TTLL5: variants seen among roughly 807,000 people sequenced by gnomAD.
The protein encoded by TTLL5 is tubulin tyrosine ligase like 5, also known as tubulin polyglutamylase TTLL5.
In TTLL5, 132 loss-of-function variants were observed where a neutral mutation model predicts 168.4. The observed-to-expected ratio is 0.78, with a 90% CI of 0.68 to 0.91. The LOEUF (loss-of-function observed/expected upper bound fraction) is 0.91, where lower values mean the gene tolerates loss of function less well. TTLL5 is among the 40% of genes least tolerant of loss of function. The pLI is 0.00. For synonymous variants in TTLL5, 546 were observed against 558.6 expected (o/e 0.98, Z 0.32); for missense variants, 1,545 against 1,581.5 (o/e 0.98, Z 0.39).
At chr14:75,700,102 A>G (rs1886157056) in intron 7 of TTLL5, among the ~76,000 whole-genome samples, 1 of 152,196 alleles carries the variant, frequency 6.6e-6, no homozygotes, top group Non-Finnish European at 1.5e-5. Context: ...AAGTTGAGTA[A>G]AACATTTAAA....
chr14:75,890,496 A>G (rs1203481055), intron 30 of TTLL5, among the ~76,000 whole-genome samples: 2 of 152,200 alleles, frequency 1.3e-5, no homozygotes, highest in Non-Finnish European at 2.9e-5. Flanking sequence ...ACGGCACACT[A>G]TGTACAATTT....
intron 31 of TTLL5, among the ~76,000 whole-genome samples, chr14:75,912,183 T>C (rs770177142): frequency 6.6e-6 from 1 of 152,174 alleles, no homozygotes; most frequent in Non-Finnish European, 1.5e-5. Context: ...TCTCTCCTTT[T>C]TTTTTTTTAC....
rs769859133 is a variant in TTLL5, at chr14:75,757,859, G to C, written c.1550+4904G>C. The C allele has an allele frequency of 1.7e-5, 27 of 1,591,214 alleles. No homozygotes were observed. In the East Asian group the frequency reaches 6.1e-4, roughly 36 times the overall value. On this transcript the variant is annotated intron_variant, in intron 18 of 31. Coordinates refer to ENST00000298832, the MANE Select transcript of TTLL5 (RefSeq NM_015072.5). ...AAACCCAAGAAGAAGCTTATTGACA[G>C]GAAGAACACGGTAATTGACTTTTAA...
intron 29 of TTLL5, among the ~76,000 whole-genome samples, chr14:75,866,694 T>C (rs764955390): frequency 5.3e-5 from 8 of 152,190 alleles, no homozygotes; most frequent in Non-Finnish European, 8.8e-5. Context: ...AGGTGTTAAT[T>C]TCTGCTTAAA....
At chr14:75,715,243 C>A (rs1026298943) in intron 9 of TTLL5, among the ~76,000 whole-genome samples, 1 of 150,898 alleles carries the variant, frequency 6.6e-6, no homozygotes, top group African/African-American at 2.4e-5. Flanking sequence ...TGGCTGACTT[C>A]CCACCCTACT....
chr14:75,701,729 T>A (rs1886290857), intron 7 of TTLL5, among the ~76,000 whole-genome samples: 1 of 152,182 alleles, frequency 6.6e-6, no homozygotes, highest in Non-Finnish European at 1.5e-5. Flanking sequence ...CCAAATGCTG[T>A]TTGTTAATTA....
At chr14:75,817,830 CTTTT>C (rs1045988787) in intron 27 of TTLL5, among the ~76,000 whole-genome samples, 4 of 83,860 alleles carry the variant, frequency 4.8e-5, no homozygotes, top group Non-Finnish European at 8.6e-5. Context: ...CTTTTCTTTT[CTTTT>C]TTTTTTTTTT....
At chr14:75,720,496 T>G in intron 11 of TTLL5, 100 bp from the exon 12 acceptor site, 1 of 895,054 alleles carries the variant, frequency 1.1e-6, no homozygotes, top group Non-Finnish European at 1.8e-6. Context: ...CTTTTTTGAA[T>G]GAGCACACAT....
intron 27 of TTLL5, among the ~76,000 whole-genome samples, chr14:75,816,974 A>ATT (rs35736530): frequency 0.06 from 5,733 of 96,014 alleles, 557 homozygotes; most frequent in African/African-American, 0.12. Context: ...TCCCTGTCTT[A>ATT]TTTTTTTTTT....
At chr14:75,748,170 G>A (rs1889724848) in intron 17 of TTLL5, among the ~76,000 whole-genome samples, 1 of 151,436 alleles carries the variant, frequency 6.6e-6, no homozygotes, top group South Asian at 2.1e-4. Flanking sequence ...CAAATAACTT[G>A]TAAACTTTTC....
chr14:75,871,273 C>T (rs143465629), intron 29 of TTLL5, among the ~76,000 whole-genome samples: 20 of 152,254 alleles, frequency 1.3e-4, no homozygotes, highest in Middle Eastern at 3.4e-3. Context: ...AAAATGAACA[C>T]GCAGTAAATG....
chr14:75,846,326 A>ATT (rs1896538044), intron 28 of TTLL5, among the ~76,000 whole-genome samples: 1 of 152,160 alleles, frequency 6.6e-6, no homozygotes, highest in Non-Finnish European at 1.5e-5. Flanking sequence ...GAAATTGTGG[A>ATT]TTTTTTGGTC....
At chr14:75,906,949 G>A (rs2033171970) in intron 31 of TTLL5, among the ~76,000 whole-genome samples, 1 of 152,128 alleles carries the variant, frequency 6.6e-6, no homozygotes, top group East Asian at 1.9e-4. Flanking sequence ...AAAATACGAG[G>A]ATTTTAAGAC....
At chr14:75,902,556 A>C (rs960150060) in intron 31 of TTLL5, 5 of 489,802 alleles carry the variant, frequency 1.0e-5, no homozygotes, top group African/African-American at 2.0e-5. Flanking sequence ...TCTCTCACTT[A>C]ATTCTCACAC....
intron 27 of TTLL5, among the ~76,000 whole-genome samples, chr14:75,793,573 A>G (rs1266427261): frequency 9.2e-5 from 14 of 152,198 alleles, no homozygotes; most frequent in Admixed American, 5.9e-4. Flanking sequence ...CCCTTATCCA[A>G]TATAATATCA....
In TTLL5 at chr14:75,792,936, C is replaced by T. The variant is rs1892808294; in HGVS notation, c.3007C>T (p.His1003Tyr). The T allele has an allele frequency of 6.2e-7, 1 of 1,608,636 alleles. No individual in the cohort carries two copies. Among genetic ancestry groups the T allele is most frequent in the Non-Finnish European group, 8.5e-7 (1 of 1,176,644 alleles). The change falls in exon 27 of 32, where the codon CAT becomes TAT. Residue 1003 changes from histidine to tyrosine, a missense_variant. By Grantham distance (83) the His-to-Tyr change is moderately conservative. Coordinates refer to ENST00000298832, the MANE Select transcript of TTLL5 (RefSeq NM_015072.5). ...AKAGSCYLNK[H>Y]HSGIAKTQKE... is the part of the protein sequence containing the mutation. ...AGCAGGATCGTGCTATCTAAACAAG[C>T]ATCATTCAGGAATAGCCAAAACACA...
At chr14:75,942,270 AC>A (rs1420179325) in intron 31 of TTLL5, among the ~76,000 whole-genome samples, 20 of 152,006 alleles carry the variant, frequency 1.3e-4, no homozygotes, top group African/African-American at 4.4e-4. Context: ...ATTGCCGCTT[AC>A]CACATCAGGC....
intron 26 of TTLL5, among the ~76,000 whole-genome samples, chr14:75,783,844 T>C (rs1892205862): frequency 6.6e-6 from 1 of 152,224 alleles, no homozygotes; most frequent in African/African-American, 2.4e-5. Context: ...GAGTGTGCTA[T>C]ATGCATTCTC....
chr14:75,916,386 A>G (rs2033616190), intron 31 of TTLL5, among the ~76,000 whole-genome samples: 1 of 152,114 alleles, frequency 6.6e-6, no homozygotes, highest in South Asian at 2.1e-4. Flanking sequence ...TCACACCTGT[A>G]ATCCCAGCAC....
Sources: allele counts gnomAD v4.1 joint callset (sites outside exome capture counted in the v4.1 genomes callset), GRCh38; gene constraint gnomAD v4.1.1; transcripts MANE v1.5; gene names NCBI Gene and HGNC (gene_info 2026-07-23, HGNC 2026-07-21).